The following DNAH6 variants were observed in gnomAD, a reference collection of about 807,000 sequenced individuals.
DNAH6 encodes the protein axonemal beta dynein heavy chain 6.
In DNAH6, 340 loss-of-function variants were observed where a neutral mutation model predicts 491.4. The observed-to-expected ratio is 0.69, with a 90% CI of 0.63 to 0.76. The LOEUF (loss-of-function observed/expected upper bound fraction) is 0.76. Among genes scored for constraint, DNAH6 ranks in the 30% least tolerant of loss-of-function variants. The pLI, the probability that DNAH6 is intolerant of heterozygous loss-of-function variation, is 0.00. For synonymous variants in DNAH6, 1,603 were observed against 1,686.1 expected (o/e 0.95, Z 1.21); for missense variants, 4,443 against 4,972.2 (o/e 0.89, Z 3.20).
intron 33 of DNAH6, among the ~76,000 whole-genome samples, chr2:84,648,656 G>A (rs890895652): frequency 2.2e-4 from 33 of 152,202 alleles, no homozygotes; most frequent in African/African-American, 7.0e-4. Flanking sequence ...CTGAAGATGT[G>A]ACTGAATTGC....
At chr2:84,753,912 C>T (rs1343830344) in intron 63 of DNAH6, among the ~76,000 whole-genome samples, 1 of 151,244 alleles carries the variant, frequency 6.6e-6, no homozygotes, top group Non-Finnish European at 1.5e-5. Context: ...GCAACCTCCA[C>T]CTCCCAGGTT....
chr2:84,659,915 C>G (rs1918686), intron 37 of DNAH6, among the ~76,000 whole-genome samples: 147,039 of 152,284 alleles, frequency 0.97, 71,037 homozygotes, highest in East Asian at 1. Flanking sequence ...CCAGGAATTT[C>G]AGGCTGCACT....
At position 84,688,425 on chromosome 2, in the gene DNAH6, C is replaced by A; in HGVS notation, c.7138-14C>A. ...AGAATTGATCCAACTTGGTTCTTCT[C>A]CCATAAATTATAGTTTGGAGCAGAT... On this transcript the variant is annotated splice_polypyrimidine_tract_variant and intron_variant, in intron 44 of 76. Coordinates refer to ENST00000389394, the MANE Select transcript of DNAH6 (RefSeq NM_001370.2). 1 of 1,477,794 alleles carries A rather than the reference C, an allele frequency of 6.8e-7. No individual in the cohort carries two copies. Among genetic ancestry groups the A allele is most frequent in the South Asian group, 1.4e-5 (1 of 70,156 alleles). The allele number at this position is 1,477,794 out of a possible 1,614,324, so 91.5% of individuals were successfully genotyped here.
chr2:84,692,838 G>A (rs1279324381), intron 45 of DNAH6, among the ~76,000 whole-genome samples: 3 of 152,250 alleles, frequency 2.0e-5, no homozygotes, highest in Non-Finnish European at 2.9e-5. Context: ...TCCAACCATT[G>A]TCTTGTAAAA....
At position 84,743,637 on chromosome 2, in the gene DNAH6, C is replaced by T. The variant is rs542893589; in HGVS notation, c.10343-1443C>T. Reference sequence around the variant, plus strand: ...AGGAGTTGGAGACCAGCCTGGCCAACATGGTGAAATCCCATCTCTACTAAA... The same window carrying T: ...AGGAGTTGGAGACCAGCCTGGCCAATATGGTGAAATCCCATCTCTACTAAA... On this transcript the variant is annotated intron_variant, in intron 62 of 76. Transcript: ENST00000389394. Among the ~76,000 whole-genome samples the T allele has an allele frequency of 2.0e-5, 3 of 152,274 alleles. No individual in the cohort carries two copies. The East Asian group carries it at 5.8e-4, about 29-fold the overall frequency.
intron 33 of DNAH6, among the ~76,000 whole-genome samples, chr2:84,645,512 G>A (rs892063962): frequency 6.7e-6 from 1 of 150,080 alleles, no homozygotes; most frequent in Non-Finnish European, 1.5e-5. Context: ...GATCAGTAAT[G>A]TTGAGCTTTT....
chr2:84,679,357 G>A (rs1355725919), intron 41 of DNAH6, among the ~76,000 whole-genome samples: 1 of 152,116 alleles, frequency 6.6e-6, no homozygotes, highest in East Asian at 1.9e-4. Flanking sequence ...CTCTTTCTCA[G>A]ACCATAGTTC....
intron 66 of DNAH6, 22 bp from the exon 67 acceptor site, chr2:84,785,588 C>T: frequency 2.6e-6 from 4 of 1,510,326 alleles, no homozygotes; most frequent in Non-Finnish European, 3.5e-6. Context: ...CTCTCTGCCA[C>T]ATATATTCTA....
intron 44 of DNAH6, among the ~76,000 whole-genome samples, chr2:84,688,113 T>C (rs1694460859): frequency 6.6e-6 from 1 of 151,484 alleles, no homozygotes; most frequent in South Asian, 2.1e-4. Flanking sequence ...TGGGCGCCTG[T>C]AATCCCAGCT....
chr2:84,641,947 A>C lies in DNAH6; in HGVS notation c.4971A>C (p.Gly1657=). 1.9e-6 allele frequency: 3 copies of C among 1,548,076 alleles called. No homozygotes were observed. The highest frequency in any genetic ancestry group is 2.6e-6 in the Non-Finnish European group (3 of 1,145,076). Residue 1657 remains glycine (G), a splice_region_variant and synonymous_variant, in exon 33 of 77, where the codon GGA becomes GGC. Coordinates refer to ENST00000389394, the MANE Select transcript of DNAH6 (RefSeq NM_001370.2). ...ATCCGAAATATTCCTTTAAATTTAG[A>C]TCTTTAAAAAGAGAAAACCCAGACC... ...RAVKSVLVMA[G]SLKRENPDLN...
At chr2:84,739,565 TG>T (rs370861751) in intron 62 of DNAH6, among the ~76,000 whole-genome samples, 1 of 152,328 alleles carries the variant, frequency 6.6e-6, no homozygotes, top group African/African-American at 2.4e-5. Context: ...TTTTTACTTT[TG>T]TCTGACTGGG....
intron 29 of DNAH6, among the ~76,000 whole-genome samples, chr2:84,632,355 C>G (rs138195221): frequency 1.8e-3 from 276 of 151,838 alleles, no homozygotes; most frequent in African/African-American, 6.5e-3. Context: ...TCAAACCCCC[C>G]ACTCTCCTCC....
At chr2:84,491,439 C>A in the DNAH6 span, among the ~76,000 whole-genome samples, 2,171 of 152,264 alleles carry the variant, frequency 0.014, 26 homozygotes, top group Non-Finnish European at 0.023. Flanking sequence ...AAGCCACTTA[C>A]AACAATTCTG....
intron 14 of DNAH6, 121 bp from the exon 15 acceptor site, chr2:84,583,878 C>G (rs1233898502): frequency 9.9e-7 from 1 of 1,006,180 alleles, no homozygotes; most frequent in Non-Finnish European, 1.5e-6. Context: ...TCTTTATTAG[C>G]AGCAGCAGAA....
intron 33 of DNAH6, among the ~76,000 whole-genome samples, chr2:84,651,097 G>A (rs1439288188): frequency 1.3e-5 from 2 of 152,064 alleles, no homozygotes; most frequent in South Asian, 2.1e-4. Context: ...GAGTAGAAGC[G>A]CCTCATTACT....
At chr2:84,598,172 TTTC>T (rs1335248352) in intron 18 of DNAH6, among the ~76,000 whole-genome samples, 5 of 76,180 alleles carry the variant, frequency 6.6e-5, no homozygotes, top group Non-Finnish European at 1.3e-4. Flanking sequence ...TCTTTCTTTC[TTTC>T]TTTCTCTCTT....
At chr2:84,703,128 C>T (rs1227270504) in intron 49 of DNAH6, among the ~76,000 whole-genome samples, 1 of 152,230 alleles carries the variant, frequency 6.6e-6, no homozygotes, top group Non-Finnish European at 1.5e-5. Flanking sequence ...GTGGTCCTTA[C>T]TCTCAGTGAG....
intron 23 of DNAH6, among the ~76,000 whole-genome samples, chr2:84,617,868 A>G (rs899078334): frequency 6.6e-5 from 10 of 152,074 alleles, no homozygotes; most frequent in African/African-American, 2.4e-4. Context: ...GAGCACCTTT[A>G]GTACATCTCT....
At chr2:84,762,152 C>A (rs1424109713) in intron 63 of DNAH6, among the ~76,000 whole-genome samples, 1 of 152,042 alleles carries the variant, frequency 6.6e-6, no homozygotes, top group Non-Finnish European at 1.5e-5. Context: ...TGGGCGTAAT[C>A]ATCAAGGCTG....
Sources: gnomAD v4.1 joint callset for allele counts (sites outside exome capture counted in the v4.1 genomes callset) on GRCh38, gnomAD v4.1.1 for gene constraint, MANE v1.5 for transcripts, NCBI Gene and HGNC (gene_info 2026-07-23, HGNC 2026-07-21) for gene names.